The following ZNF385B variants were observed in gnomAD, a reference collection of about 807,000 sequenced individuals.
ZNF385B encodes zinc finger protein 533.
ZNF385B carries 23 observed loss-of-function variants against 39.2 expected under a neutral mutation model. The observed-to-expected ratio is 0.59, with a 90% CI of 0.42 to 0.83. ZNF385B has a LOEUF of 0.83. Ranked by LOEUF, ZNF385B falls within the 40% of genes least tolerant of loss-of-function variation. The pLI, the probability that ZNF385B is intolerant of heterozygous loss-of-function variation, is 0.00. For synonymous variants in ZNF385B, 205 were observed against 222.6 expected (o/e 0.92, Z 0.70); for missense variants, 552 against 598.9 (o/e 0.92, Z 0.82).
intron 6 of ZNF385B, among the ~76,000 whole-genome samples, chr2:179,470,914 T>A (rs932050310): frequency 6.1e-5 from 9 of 148,484 alleles, no homozygotes; most frequent in Middle Eastern, 3.3e-3. Context: ...CCTCTCCTCT[T>A]GTTTTATGTC....
intron 1 of ZNF385B, among the ~76,000 whole-genome samples, chr2:179,808,276 C>A (rs192734922): frequency 2.0e-5 from 3 of 152,196 alleles, no homozygotes; most frequent in Admixed American, 2.0e-4. Context: ...TTGTGATCCG[C>A]CCGCCTTGGC....
At chr2:179,521,391 G>A (rs992746089) in intron 4 of ZNF385B, among the ~76,000 whole-genome samples, 3 of 125,194 alleles carry the variant, frequency 2.4e-5, no homozygotes, top group African/African-American at 5.9e-5. Flanking sequence ...GTAGAGACTG[G>A]GTTTCGTCAT....
intron 1 of ZNF385B, among the ~76,000 whole-genome samples, chr2:179,779,344 T>C (rs116784212): frequency 0.012 from 1,834 of 152,290 alleles, 43 homozygotes; most frequent in African/African-American, 0.041. Flanking sequence ...CCAGTTCATC[T>C]AGAGCAGAGA....
intron 3 of ZNF385B, among the ~76,000 whole-genome samples, chr2:179,571,559 A>T (rs1269110816): frequency 6.6e-6 from 1 of 152,186 alleles, no homozygotes; most frequent in Admixed American, 6.6e-5. Flanking sequence ...ACTCTTAATC[A>T]GTACTTGAAA....
chr2:179,535,840 A>C (rs987628137), intron 4 of ZNF385B, among the ~76,000 whole-genome samples: 2 of 152,238 alleles, frequency 1.3e-5, no homozygotes, highest in South Asian at 2.1e-4. Context: ...GCACCCTCAA[A>C]AGCAACTATA....
intron 3 of ZNF385B, among the ~76,000 whole-genome samples, chr2:179,707,140 TTGCCC>T (rs1699662580): frequency 6.6e-6 from 1 of 152,236 alleles, no homozygotes; most frequent in African/African-American, 2.4e-5. Flanking sequence ...CCCATAAGAC[TTGCCC>T]GCATCTAAAA....
At chr2:179,714,964 GT>G (rs1461030630) in intron 3 of ZNF385B, among the ~76,000 whole-genome samples, 6 of 60,264 alleles carry the variant, frequency 1.0e-4, no homozygotes, top group Admixed American at 4.5e-4. Context: ...AAAAAAAACA[GT>G]TTCCTGAATG....
intron 3 of ZNF385B, among the ~76,000 whole-genome samples, chr2:179,694,351 C>CTTT (rs61002544): frequency 3.5e-5 from 5 of 141,886 alleles, no homozygotes; most frequent in African/African-American, 5.2e-5. Context: ...CTGCATTAAG[C>CTTT]TTTTTTTTTT....
chr2:179,685,036 A>C (rs181261009), intron 3 of ZNF385B, among the ~76,000 whole-genome samples: 1 of 152,220 alleles, frequency 6.6e-6, no homozygotes, highest in Non-Finnish European at 1.5e-5. Context: ...GCCTTATACT[A>C]TAATTTTCCC....
chr2:179,812,945 T>C (rs1706828197), intron 1 of ZNF385B, among the ~76,000 whole-genome samples: 1 of 152,190 alleles, frequency 6.6e-6, no homozygotes, highest in Non-Finnish European at 1.5e-5. Context: ...AGAGCTCTCC[T>C]ATAATATTTA....
chr2:179,780,289 C>A (rs1198940829), intron 1 of ZNF385B, among the ~76,000 whole-genome samples: 1 of 152,178 alleles, frequency 6.6e-6, no homozygotes, highest in Non-Finnish European at 1.5e-5. Context: ...AAAGTCCAGG[C>A]TGTTTGTCCC....
At chr2:179,467,344 G>C (rs1269813733) in intron 6 of ZNF385B, among the ~76,000 whole-genome samples, 2 of 152,160 alleles carry the variant, frequency 1.3e-5, no homozygotes, top group African/African-American at 4.8e-5. Context: ...ATTAGTCATA[G>C]GATTTCCTGT....
intron 3 of ZNF385B, among the ~76,000 whole-genome samples, chr2:179,707,317 T>C (rs1408852908): frequency 6.6e-6 from 1 of 152,150 alleles, no homozygotes; most frequent in South Asian, 2.1e-4. Flanking sequence ...TGAGTTAAAA[T>C]GGCATCCATC....
rs144593308 is a variant in ZNF385B, at chr2:179,749,440, A to AG, written c.298+20062dup. On this transcript the variant is annotated intron_variant, in intron 3 of 9. Transcript: ENST00000410066. ...CACAGCTGGCCCAAAAACCAGCTCG[A>AG]GAAAAACCATTAGGTGCCAAGGACA... Among the ~76,000 whole-genome samples the AG allele has an allele frequency of 7.0e-3, 1,067 of 152,232 alleles. 9 individuals carry two copies. Among genetic ancestry groups the AG allele is most frequent in the African/African-American group, 0.024 (1,010 of 41,554 alleles).
At chr2:179,632,326 A>C (rs755966089) in intron 3 of ZNF385B, among the ~76,000 whole-genome samples, 1 of 152,222 alleles carries the variant, frequency 6.6e-6, no homozygotes, top group Non-Finnish European at 1.5e-5. Flanking sequence ...GCAAATGTAA[A>C]AGAATTGATA....
At chr2:179,753,728 C>G (rs1275298146) in intron 3 of ZNF385B, among the ~76,000 whole-genome samples, 1 of 152,100 alleles carries the variant, frequency 6.6e-6, no homozygotes, top group Non-Finnish European at 1.5e-5. Flanking sequence ...CATGATTTGG[C>G]TCTCTGTCTG....
chr2:179,639,509 G>T (rs1215588334), intron 3 of ZNF385B, among the ~76,000 whole-genome samples: 1 of 152,004 alleles, frequency 6.6e-6, no homozygotes, highest in African/African-American at 2.4e-5. Flanking sequence ...ATATAATATT[G>T]TACAAGTTAC....
At chr2:179,751,064 T>C (rs1702639581) in intron 3 of ZNF385B, among the ~76,000 whole-genome samples, 1 of 152,136 alleles carries the variant, frequency 6.6e-6, no homozygotes, top group South Asian at 2.1e-4. Context: ...TCTCTTAAAA[T>C]GGAGATTTTT....
intron 4 of ZNF385B, among the ~76,000 whole-genome samples, chr2:179,521,353 G>GTTTTTTTTTTTTTTTTTTTTTTTTTTT (rs56392185): frequency 7.4e-5 from 8 of 108,164 alleles, no homozygotes; most frequent in South Asian, 3.6e-4. Flanking sequence ...CACCTGGCCA[G>GTTTTTTTTTTTTTTTTTTTTTTTTTTT]TTTTTTTTTT....
Sources: gnomAD v4.1 joint callset for allele counts (sites outside exome capture counted in the v4.1 genomes callset) on GRCh38, gnomAD v4.1.1 for gene constraint, MANE v1.5 for transcripts, NCBI Gene and HGNC (gene_info 2026-07-23, HGNC 2026-07-21) for gene names.